Variants in ATF3 observed in about 807,000 individuals in gnomAD.
The protein encoded by ATF3 is activating transcription factor 3, also known as cyclic AMP-dependent transcription factor ATF-3.
ATF3 carries 10 observed loss-of-function variants against 18.4 expected under a neutral mutation model. The observed-to-expected ratio is 0.54, with a 90% CI of 0.34 to 0.92. The LOEUF is 0.92. Among genes scored for constraint, ATF3 ranks in the 40% least tolerant of loss-of-function variants. The pLI is 0.02. For synonymous variants in ATF3, 78 were observed against 87.9 expected (o/e 0.89, Z 0.63); for missense variants, 183 against 222.3 (o/e 0.82, Z 1.12).
chr1:212,587,375 C>G (rs1247348774), intron 1 of ATF3, among the ~76,000 whole-genome samples: 1 of 152,152 alleles, frequency 6.6e-6, no homozygotes, highest in Non-Finnish European at 1.5e-5. Flanking sequence ...GATATTGTTT[C>G]TATGGGAAAA....
intron 1 of ATF3, among the ~76,000 whole-genome samples, chr1:212,600,570 T>C (rs1031465599): frequency 2.0e-5 from 3 of 152,258 alleles, no homozygotes; most frequent in Admixed American, 1.3e-4. Context: ...ACTCACAGCC[T>C]CTTCATATGA....
At chr1:212,609,188 T>C (rs989077614) in intron 1 of ATF3, among the ~76,000 whole-genome samples, 1 of 152,048 alleles carries the variant, frequency 6.6e-6, no homozygotes, top group African/African-American at 2.4e-5. Flanking sequence ...GTGACGGAGG[T>C]CGGGCGTCCA....
intron 1 of ATF3, among the ~76,000 whole-genome samples, chr1:212,612,857 A>G (rs1011072670): frequency 2.0e-5 from 3 of 152,170 alleles, no homozygotes; most frequent in African/African-American, 7.2e-5. Flanking sequence ...GACTCCACAG[A>G]GCCTCTGTCA....
intron 1 of ATF3, among the ~76,000 whole-genome samples, chr1:212,592,989 T>C (rs12045887): frequency 0.26 from 39,118 of 149,200 alleles, 5,724 homozygotes; most frequent in African/African-American, 0.4. Flanking sequence ...CACATGCACA[T>C]GTATGTTTAT....
At chr1:212,604,194 A>C (rs1391058719), upstream of ATF3, among the ~76,000 whole-genome samples, 2 of 152,152 alleles carry the variant, frequency 1.3e-5, no homozygotes, top group African/African-American at 4.8e-5. Flanking sequence ...CGTTTTATAG[A>C]CTGGGAAACT....
chr1:212,587,999 A>G (rs1003671781), intron 1 of ATF3, among the ~76,000 whole-genome samples: 1 of 152,112 alleles, frequency 6.6e-6, no homozygotes, highest in Non-Finnish European at 1.5e-5. Context: ...TGTGAGACTC[A>G]GCATGTGGGG....
At chr1:212,615,373 C>G in intron 2 of ATF3, 112 bp downstream of exon 2, 8 of 1,352,592 alleles carry the variant, frequency 5.9e-6, no homozygotes, top group Non-Finnish European at 8.0e-6. Context: ...CAAACAAAAC[C>G]ACTGCCCTCA....
upstream of ATF3, among the ~76,000 whole-genome samples, chr1:212,607,220 A>C (rs1190716262): frequency 6.6e-6 from 1 of 151,838 alleles, no homozygotes; most frequent in Non-Finnish European, 1.5e-5. Context: ...GGCTCCAGAC[A>C]CCTCTAGTTT....
At chr1:212,600,156 A>C (rs1654441255) in intron 1 of ATF3, among the ~76,000 whole-genome samples, 2 of 152,148 alleles carry the variant, frequency 1.3e-5, no homozygotes, top group Admixed American at 6.5e-5. Context: ...TCACCTGACC[A>C]GTGTTGCAGC....
chr1:212,613,425 G>A (rs866684848), intron 1 of ATF3: 7 of 152,164 alleles, frequency 4.6e-5, no homozygotes, highest in African/African-American at 1.4e-4. Flanking sequence ...GAATCCTGGA[G>A]CCAAACTAAC....
chr1:212,617,582 C>T (rs762448490), intron 2 of ATF3, among the ~76,000 whole-genome samples: 2 of 152,122 alleles, frequency 1.3e-5, no homozygotes, highest in African/African-American at 2.4e-5. Flanking sequence ...GGCTTAGGTG[C>T]CTTTTCTACA....
At chr1:212,590,091 G>A (rs1037571977) in intron 1 of ATF3, among the ~76,000 whole-genome samples, 1 of 152,058 alleles carries the variant, frequency 6.6e-6, no homozygotes, top group African/African-American at 2.4e-5. Context: ...CCTTTGCCAT[G>A]TTACATTGAA....
At chr1:212,596,806 A>G (rs2102638536) in intron 1 of ATF3, among the ~76,000 whole-genome samples, 1 of 152,360 alleles carries the variant, frequency 6.6e-6, no homozygotes, top group Admixed American at 6.5e-5. Context: ...AAGAGATAAC[A>G]CTGGTTCTTC....
At chr1:212,608,042 C>T (rs1247721271), upstream of ATF3, among the ~76,000 whole-genome samples, 2 of 152,208 alleles carry the variant, frequency 1.3e-5, no homozygotes, top group Non-Finnish European at 2.9e-5. Flanking sequence ...CGAGGGCTGC[C>T]CTCCGCTTTT....
At chr1:212,597,419 T>TTATATATCTATCTATC (rs1654318517) in intron 1 of ATF3, among the ~76,000 whole-genome samples, 1 of 150,730 alleles carries the variant, frequency 6.6e-6, no homozygotes, top group Non-Finnish European at 1.5e-5. Context: ...TTACATCTAT[T>TTATATATCTATCTATC]TATCTATCTA....
chr1:212,619,237 C>T lies in ATF3; in HGVS notation c.349-121C>T, dbSNP rs899407377. ...GCTCTCCCATCTCCCATCTTCCTCT[C>T]GCAGCTTGATGAGCCCCGGTGTGTC... On this transcript the variant is annotated intron_variant, in intron 3 of 3. Coordinates refer to ENST00000341491, the MANE Select transcript of ATF3 (RefSeq NM_001674.4). This position sits in a 1 kb window ranked among gnomAD's most constrained non-coding sequence, Gnocchi z 4.4. 1.1e-5 allele frequency: 17 copies of T among 1,610,154 alleles called. No individual in the cohort carries two copies. Among genetic ancestry groups the T allele is most frequent in the African/African-American group, 5.3e-5 (4 of 74,820 alleles).
At chr1:212,607,990 G>A (rs1654693936), upstream of ATF3, among the ~76,000 whole-genome samples, 1 of 152,180 alleles carries the variant, frequency 6.6e-6, no homozygotes, top group African/African-American at 2.4e-5. Context: ...GTGCGTCCAT[G>A]TGGAGTGTCC....
chr1:212,590,322 A>G (rs1664858623), intron 1 of ATF3, among the ~76,000 whole-genome samples: 1 of 151,496 alleles, frequency 6.6e-6, no homozygotes, highest in Non-Finnish European at 1.5e-5. Context: ...TGGTGTTTGT[A>G]TGAAATTCTG....
At chr1:212,586,439 C>T (rs530957113) in intron 1 of ATF3, among the ~76,000 whole-genome samples, 2 of 152,296 alleles carry the variant, frequency 1.3e-5, no homozygotes, top group East Asian at 3.9e-4. Flanking sequence ...AATGACGTAG[C>T]AGTGACTCCA....
Sources: gnomAD v4.1 joint callset for allele counts (sites outside exome capture counted in the v4.1 genomes callset) on GRCh38, gnomAD v4.1.1 for gene constraint, Gnocchi (gnomAD v3.1) non-coding constraint, MANE v1.5 for transcripts, NCBI Gene and HGNC (gene_info 2026-07-23, HGNC 2026-07-21) for gene names.